SVOP: variants seen among roughly 807,000 people sequenced by gnomAD.
SVOP encodes synaptic vesicle 2-related protein.
In SVOP, 17 loss-of-function variants were observed where a neutral mutation model predicts 69.1. The observed-to-expected ratio is 0.25, with a 90% CI of 0.17 to 0.37. The LOEUF is 0.37. Among genes scored for constraint, SVOP ranks in the 10% least tolerant of loss-of-function variants. The pLI is 1.00. For missense variants in SVOP, 435 were observed against 597.5 expected (o/e 0.73, Z 2.84); for synonymous variants, 238 against 238.6 (o/e 1.00, Z 0.02).
intron 2 of SVOP, among the ~76,000 whole-genome samples, chr12:108,983,269 T>G (rs1271761725): frequency 7.3e-6 from 1 of 137,600 alleles, no homozygotes. Flanking sequence ...TCATCATCAT[T>G]ACTATCATGA....
intron 7 of SVOP, among the ~76,000 whole-genome samples, chr12:108,941,112 C>G (rs1255511997): frequency 6.6e-6 from 1 of 152,184 alleles, no homozygotes; most frequent in Non-Finnish European, 1.5e-5. Flanking sequence ...CCATTATACA[C>G]TGTATAATAT....
At chr12:108,998,917 C>A (rs1400311067) in intron 1 of SVOP, among the ~76,000 whole-genome samples, 1 of 150,806 alleles carries the variant, frequency 6.6e-6, no homozygotes, top group African/African-American at 2.4e-5. Flanking sequence ...CAAGCAAAAT[C>A]ACCAGCTAAC....
intron 1 of SVOP, among the ~76,000 whole-genome samples, chr12:108,988,128 T>C (rs369877528): frequency 2.4e-4 from 37 of 152,144 alleles, no homozygotes; most frequent in African/African-American, 8.2e-4. Context: ...TTTCACCATG[T>C]TGGCCAGGCT....
chr12:108,923,543 C>T (rs1312038316), intron 11 of SVOP, among the ~76,000 whole-genome samples: 1 of 152,032 alleles, frequency 6.6e-6, no homozygotes, highest in African/African-American at 2.4e-5. Context: ...TGGCTGATGC[C>T]TTGATTGCAG....
chr12:109,020,993 A>C lies in SVOP; in HGVS notation c.-125T>G, dbSNP rs560899036. The C allele has an allele frequency of 4.9e-6, 3 of 608,584 alleles. No individual in the cohort carries two copies. The highest frequency in any genetic ancestry group is 1.8e-5 in the South Asian group (1 of 54,392). 37.7% of individuals were successfully genotyped at this position (608,584 alleles called of 1,614,324 possible). On this transcript the variant is annotated 5_prime_UTR_variant, in exon 1 of 16. Transcript: ENST00000610966. The stretch of plus-strand genomic sequence containing the variant: ...CGCGCCGCTTCCTCCCTGGAGCAGC[A>C]GCTGTTCGGGGAGGGAGCCGCTGGG...
intron 14 of SVOP, 46 bp downstream of exon 14, chr12:108,917,997 T>A: frequency 6.9e-7 from 1 of 1,453,586 alleles, no homozygotes; most frequent in Non-Finnish European, 9.3e-7. Flanking sequence ...ACAGCCACTC[T>A]CCCCCCACTG....
intron 12 of SVOP, among the ~76,000 whole-genome samples, chr12:108,920,594 CTTTT>C (rs71079507): frequency 2.5e-5 from 3 of 121,288 alleles, no homozygotes; most frequent in African/African-American, 6.2e-5. Flanking sequence ...ATTTTTACAT[CTTTT>C]TTTTTTTTTT....
intron 8 of SVOP, among the ~76,000 whole-genome samples, chr12:108,939,273 G>T (rs1281497505): frequency 6.6e-6 from 1 of 152,170 alleles, no homozygotes; most frequent in African/African-American, 2.4e-5. Flanking sequence ...GGTTAATGCA[G>T]TTATTATTAT....
rs1353098640 is a variant in SVOP at position 108,922,593 on chromosome 12, G to T, written c.1156+97C>A. 4 of 839,318 alleles carry T rather than the reference G, an allele frequency of 4.8e-6. No individual in the cohort carries two copies. In the East Asian group the frequency reaches 8.0e-5, roughly 17 times the overall value. The allele number at this position is 839,318 out of a possible 1,614,324, so 52.0% of individuals were successfully genotyped here. ...AAAGTCCCTCGCTGACTAAAAATGG[G>T]ATTTGCTTCCAGGTAGGGTAGACAG... On this transcript the variant is annotated intron_variant, in intron 12 of 15. Transcript: ENST00000610966.
At chr12:109,009,026 AT>A (rs1440356665) in intron 1 of SVOP, among the ~76,000 whole-genome samples, 3 of 134,014 alleles carry the variant, frequency 2.2e-5, no homozygotes, top group African/African-American at 8.9e-5. Context: ...CAGTGGCATG[AT>A]ATCCGCTCAC....
chr12:108,932,915 G>T (rs770079406), intron 11 of SVOP, among the ~76,000 whole-genome samples: 1 of 151,910 alleles, frequency 6.6e-6, no homozygotes, highest in African/African-American at 2.4e-5. Flanking sequence ...ATCTCACTCT[G>T]TCGCCTAGGC....
At chr12:108,982,428 T>C (rs975527909) in intron 2 of SVOP, among the ~76,000 whole-genome samples, 47,099 of 146,850 alleles carry the variant, frequency 0.32, 7,633 homozygotes, top group African/African-American at 0.43. Flanking sequence ...ACCATCATCA[T>C]GATCACCATC....
intron 11 of SVOP, among the ~76,000 whole-genome samples, chr12:108,925,363 T>A (rs1348894701): frequency 1.3e-5 from 2 of 152,178 alleles, no homozygotes; most frequent in Non-Finnish European, 2.9e-5. Context: ...GCCATCTTGG[T>A]CTGAGCCATC....
At chr12:108,968,089 CAGGCAGTTGCTGCTCTGGAGAGGATA>C (rs1270626241) in intron 5 of SVOP, among the ~76,000 whole-genome samples, 1 of 152,208 alleles carries the variant, frequency 6.6e-6, no homozygotes, top group Non-Finnish European at 1.5e-5. Context: ...GAACACTCAT[CAGGCAGTTGCTGCTCTGGAGAGGATA>C]AGGCAGTTGC....
intron 1 of SVOP, among the ~76,000 whole-genome samples, chr12:109,009,311 G>A (rs2040328483): frequency 6.6e-6 from 1 of 151,994 alleles, no homozygotes; most frequent in Admixed American, 6.6e-5. Flanking sequence ...ACCATACAGA[G>A]GGGACCCTCT....
chr12:108,985,654 G>A (rs2040162241), intron 1 of SVOP, among the ~76,000 whole-genome samples: 1 of 152,200 alleles, frequency 6.6e-6, no homozygotes, highest in African/African-American at 2.4e-5. Flanking sequence ...CTGGGTGACA[G>A]AGCAAGATCC....
intron 9 of SVOP, among the ~76,000 whole-genome samples, 166 bp from the exon 10 acceptor site, chr12:108,937,503 C>G (rs985845911): frequency 3.9e-5 from 6 of 152,146 alleles, no homozygotes; most frequent in Non-Finnish European, 7.3e-5. Flanking sequence ...CGCAGCCTCC[C>G]AGCCCCTCCA....
intron 11 of SVOP, among the ~76,000 whole-genome samples, chr12:108,932,021 AT>A (rs946276745): frequency 2.0e-5 from 3 of 151,278 alleles, no homozygotes; most frequent in African/African-American, 7.3e-5. Context: ...TTTTATTTTT[AT>A]TTTTTTTACA....
intron 1 of SVOP, among the ~76,000 whole-genome samples, chr12:109,012,214 T>C (rs970997862): frequency 2.0e-5 from 3 of 150,544 alleles, no homozygotes; most frequent in South Asian, 2.1e-4. Flanking sequence ...GCCTGAGAGG[T>C]GGAGGTTGCA....
Sources: allele counts gnomAD v4.1 joint callset (sites outside exome capture counted in the v4.1 genomes callset), GRCh38; gene constraint gnomAD v4.1.1; transcripts MANE v1.5; gene names NCBI Gene and HGNC (gene_info 2026-07-23, HGNC 2026-07-21).